The following ARB2A variants were observed in gnomAD, a reference collection of about 807,000 sequenced individuals.
ARB2A encodes ARB2 cotranscriptional regulator A.
the ARB2A span, among the ~76,000 whole-genome samples, chr5:93,939,142 T>C: frequency 6.6e-6 from 1 of 152,174 alleles, no homozygotes. Flanking sequence ...TATTCCTCAA[T>C]AGAATTGGCA....
At chr5:93,663,677 G>A in the ARB2A span, among the ~76,000 whole-genome samples, 1 of 152,178 alleles carries the variant, frequency 6.6e-6, no homozygotes, top group Admixed American at 6.5e-5. Context: ...GGTGGTGAGA[G>A]GCACAGCAGA....
chr5:93,881,241 G>C, the ARB2A span: 1 of 352,400 alleles, frequency 2.8e-6, no homozygotes, highest in African/African-American at 2.1e-5. Context: ...GACACAAAAG[G>C]AAACAGAATT....
the ARB2A span, among the ~76,000 whole-genome samples, chr5:93,966,317 A>T: frequency 2.6e-5 from 4 of 152,124 alleles, no homozygotes; most frequent in Admixed American, 6.6e-5. Context: ...TACTTGAGAC[A>T]TAATCTGAGA....
chr5:94,029,429 T>C, the ARB2A span, among the ~76,000 whole-genome samples: 1 of 152,232 alleles, frequency 6.6e-6, no homozygotes, highest in African/African-American at 2.4e-5. Context: ...ATGTCCTGTG[T>C]TCTAGATTTG....
the ARB2A span, among the ~76,000 whole-genome samples, chr5:93,837,288 T>C: frequency 1.3e-5 from 2 of 152,136 alleles, no homozygotes; most frequent in Non-Finnish European, 2.9e-5. Context: ...GCAAAGGACA[T>C]GATCTCATTC....
At chr5:94,086,592 G>A in the ARB2A span, among the ~76,000 whole-genome samples, 1 of 152,262 alleles carries the variant, frequency 6.6e-6, no homozygotes, top group East Asian at 1.9e-4. Flanking sequence ...TGCTCCTGAT[G>A]CCCAGGCTGG....
At chr5:94,051,206 T>G in the ARB2A span, among the ~76,000 whole-genome samples, 1 of 152,302 alleles carries the variant, frequency 6.6e-6, no homozygotes, top group East Asian at 1.9e-4. Flanking sequence ...AAGCAACTTT[T>G]CAGGAAGCTA....
chr5:93,810,527 T>C, the ARB2A span, among the ~76,000 whole-genome samples: 1 of 151,952 alleles, frequency 6.6e-6, no homozygotes, highest in East Asian at 1.9e-4. Context: ...CTCAGCTTCT[T>C]GAGTAGCTGA....
At chr5:93,682,634 A>G in the ARB2A span, among the ~76,000 whole-genome samples, 1 of 152,068 alleles carries the variant, frequency 6.6e-6, no homozygotes, top group Admixed American at 6.6e-5. Context: ...CATACTTAAA[A>G]CCAAGCAAAG....
chr5:93,806,261 T>C, the ARB2A span, among the ~76,000 whole-genome samples: 3 of 151,992 alleles, frequency 2.0e-5, no homozygotes, highest in Non-Finnish European at 4.4e-5. Context: ...TTAATACTTT[T>C]ATATGCCTTT....
chr5:93,933,652 G>C, the ARB2A span, among the ~76,000 whole-genome samples: 1 of 152,084 alleles, frequency 6.6e-6, no homozygotes, highest in Non-Finnish European at 1.5e-5. Flanking sequence ...GGTCCCGTTA[G>C]GGGGTGGGGG....
chr5:93,795,609 C>A, the ARB2A span, among the ~76,000 whole-genome samples: 5 of 152,256 alleles, frequency 3.3e-5, no homozygotes, highest in African/African-American at 1.2e-4. Flanking sequence ...TAATCCTCTA[C>A]ATTCAAATCT....
At chr5:93,961,554 T>G in the ARB2A span, among the ~76,000 whole-genome samples, 1 of 152,068 alleles carries the variant, frequency 6.6e-6, no homozygotes, top group Non-Finnish European at 1.5e-5. Flanking sequence ...TGTGGTGGTG[T>G]GCACCTGTAG....
At chr5:93,940,648 C>T in the ARB2A span, among the ~76,000 whole-genome samples, 2 of 151,824 alleles carry the variant, frequency 1.3e-5, no homozygotes, top group Non-Finnish European at 2.9e-5. Context: ...TGAGCAATTC[C>T]TATGGACGCT....
At chr5:94,087,379 T>G in the ARB2A span, among the ~76,000 whole-genome samples, 1 of 152,048 alleles carries the variant, frequency 6.6e-6, no homozygotes, top group Non-Finnish European at 1.5e-5. Flanking sequence ...GCACTCCACC[T>G]GGGCAGCAGA....
At chr5:93,764,369 C>T in the ARB2A span, among the ~76,000 whole-genome samples, 1 of 152,162 alleles carries the variant, frequency 6.6e-6, no homozygotes, top group African/African-American at 2.4e-5. Context: ...AAGGGGATAT[C>T]ACCACCAATC....
chr5:94,099,624 CAAAAAAA>C, the ARB2A span, among the ~76,000 whole-genome samples: 5 of 13,654 alleles, frequency 3.7e-4, no homozygotes, highest in Admixed American at 8.5e-4. Flanking sequence ...GACTCCGTCT[CAAAAAAA>C]AAAAAAAAAA....
the ARB2A span, among the ~76,000 whole-genome samples, chr5:93,633,031 C>T: frequency 6.6e-6 from 1 of 152,142 alleles, no homozygotes; most frequent in African/African-American, 2.4e-5. Context: ...ACTGGTGGGC[C>T]TACCCTCCAG....
At chr5:93,953,901 C>T in the ARB2A span, among the ~76,000 whole-genome samples, 2 of 152,076 alleles carry the variant, frequency 1.3e-5, no homozygotes, top group Non-Finnish European at 2.9e-5. Flanking sequence ...CTTCCAATGG[C>T]CACAACTACC....
Sources: gnomAD v4.1 joint callset for allele counts (sites outside exome capture counted in the v4.1 genomes callset) on GRCh38, gnomAD v4.1.1 for gene constraint, MANE v1.5 for transcripts, NCBI Gene and HGNC (gene_info 2026-07-23, HGNC 2026-07-21) for gene names.